The following XPR1 variants were observed in gnomAD, a reference collection of about 807,000 sequenced individuals.
XPR1 encodes the protein xenotropic and polytropic retrovirus receptor 1, also known as solute carrier family 53 member 1.
XPR1 carries 28 observed loss-of-function variants against 87.5 expected under a neutral mutation model. That is an observed-to-expected ratio of 0.32 (90% confidence interval 0.24 to 0.44). XPR1 has a LOEUF of 0.44. XPR1 is among the 20% of genes least tolerant of loss of function. The pLI is 1.00. For missense variants in XPR1, 559 were observed against 862.3 expected (o/e 0.65, Z 4.41); for synonymous variants, 300 against 306.1 (o/e 0.98, Z 0.21).
chr1:180,833,734 A>T (rs1262344631), intron 9 of XPR1, among the ~76,000 whole-genome samples: 1 of 152,230 alleles, frequency 6.6e-6, no homozygotes, highest in Non-Finnish European at 1.5e-5. Context: ...TACAAATATG[A>T]ATACATTATA....
intron 9 of XPR1, among the ~76,000 whole-genome samples, chr1:180,834,559 G>T (rs566945987): frequency 9.5e-4 from 145 of 152,266 alleles, no homozygotes; most frequent in African/African-American, 3.4e-3. Context: ...AAATCAGGGG[G>T]TAGTGGCATC....
At chr1:180,715,273 T>C (rs569518499) in intron 2 of XPR1, among the ~76,000 whole-genome samples, 3 of 152,326 alleles carry the variant, frequency 2.0e-5, no homozygotes, top group Admixed American at 2.0e-4. Context: ...TCAGGAATCT[T>C]GTATTTATTT....
intron 7 of XPR1, among the ~76,000 whole-genome samples, chr1:180,822,680 C>T (rs1348126472): frequency 1.3e-5 from 2 of 152,038 alleles, no homozygotes; most frequent in African/African-American, 2.4e-5. Context: ...ATGAGCCAAA[C>T]GTTATTCTAG....
At chr1:180,741,273 C>A (rs944353724) in intron 2 of XPR1, among the ~76,000 whole-genome samples, 2 of 152,110 alleles carry the variant, frequency 1.3e-5, no homozygotes, top group African/African-American at 4.8e-5. Context: ...TAGTGATTCT[C>A]CTACCTTATT....
intron 2 of XPR1, among the ~76,000 whole-genome samples, chr1:180,693,329 G>A (rs1388721619): frequency 2.6e-5 from 4 of 152,210 alleles, no homozygotes; most frequent in Non-Finnish European, 5.9e-5. Context: ...AGAAGCATAT[G>A]AAGTTGTGAT....
chr1:180,727,005 G>C (rs925891574), intron 2 of XPR1, among the ~76,000 whole-genome samples: 2 of 151,800 alleles, frequency 1.3e-5, no homozygotes, highest in Non-Finnish European at 1.5e-5. Context: ...CTCCCGAGTA[G>C]CTGGGACTAC....
intron 2 of XPR1, among the ~76,000 whole-genome samples, chr1:180,769,587 C>T (rs1648427219): frequency 6.6e-6 from 1 of 151,946 alleles, no homozygotes; most frequent in Non-Finnish European, 1.5e-5. Flanking sequence ...TCTCCAGTTC[C>T]ATCCATGTTG....
chr1:180,873,924 C>A lies in XPR1; in HGVS notation c.1790C>A (p.Ala597Asp), dbSNP rs1451429951. The A allele has an allele frequency of 2.5e-6, 4 of 1,613,158 alleles. No homozygotes were observed. In the African/African-American group the frequency reaches 5.3e-5, roughly 22 times the overall value. ...HSGDIIATVF[A>D]PLEVFRRFVW... ...GGGGACATCATTGCTACTGTCTTTG[C>A]CCCACTTGAGGTTTTCCGGTAAGCA... is the stretch of plus-strand genomic sequence containing the variant. Residue 597 changes from alanine to aspartate, a missense_variant, in exon 13 of 15, where the codon GCC becomes GAC. Ala to Asp is a moderately radical substitution (Grantham distance 126). Transcript: ENST00000367590.
At chr1:180,863,638 G>A (rs1007864609) in intron 11 of XPR1, 70 bp from the exon 12 acceptor site, 3 of 1,370,832 alleles carry the variant, frequency 2.2e-6, no homozygotes, top group South Asian at 1.6e-5. Context: ...GTTTTAATTA[G>A]TGTTATTAAT....
chr1:180,784,230 C>G (rs367748520), intron 2 of XPR1, among the ~76,000 whole-genome samples: 1 of 152,130 alleles, frequency 6.6e-6, no homozygotes, highest in Admixed American at 6.6e-5. Context: ...GTTCATTTAT[C>G]ATTACCATTG....
chr1:180,851,151 G>C (rs1033458140), intron 11 of XPR1, among the ~76,000 whole-genome samples: 1 of 152,068 alleles, frequency 6.6e-6, no homozygotes, highest in Non-Finnish European at 1.5e-5. Flanking sequence ...AGCAGAAATA[G>C]ATATTTTTTA....
At position 180,863,739 on chromosome 1, in the gene XPR1, T is replaced by C. The variant is rs764540958; in HGVS notation, c.1533T>C (p.Phe511=). The change falls in exon 12 of 15, where the codon TTT becomes TTC. Residue 511 remains phenylalanine (F), a synonymous_variant. Coordinates refer to ENST00000367590, the MANE Select transcript of XPR1 (RefSeq NM_004736.4). ...ERGHSDTMVF[F]YLWIVFYIIS... The stretch of plus-strand genomic sequence containing the variant: ...GTCACTCGGACACTATGGTGTTCTT[T>C]TACCTGTGGATTGTCTTTTATATCA... The C allele has an allele frequency of 6.2e-7, 1 of 1,604,916 alleles. No individual in the cohort carries two copies. The highest frequency in any genetic ancestry group is 8.5e-7 in the Non-Finnish European group (1 of 1,176,412).
chr1:180,695,084 A>C (rs1338943530), intron 2 of XPR1, among the ~76,000 whole-genome samples: 1 of 152,050 alleles, frequency 6.6e-6, no homozygotes, highest in Non-Finnish European at 1.5e-5. Context: ...GATAATAGTT[A>C]TTCTAACTGG....
intron 7 of XPR1, among the ~76,000 whole-genome samples, chr1:180,822,586 C>T (rs1044814327): frequency 1.9e-4 from 29 of 152,130 alleles, no homozygotes; most frequent in Admixed American, 1.8e-3. Context: ...GTGTAATAGG[C>T]ACCTAATCAA....
intron 13 of XPR1, among the ~76,000 whole-genome samples, chr1:180,877,705 C>A: frequency 6.6e-6 from 1 of 151,634 alleles, no homozygotes; most frequent in African/African-American, 2.4e-5. Context: ...TATTTGCATA[C>A]TTTATGTGTG....
intron 9 of XPR1, among the ~76,000 whole-genome samples, chr1:180,831,365 T>TTTC (rs751503719): frequency 0.02 from 2,766 of 137,712 alleles, 84 homozygotes; most frequent in African/African-American, 0.071. Flanking sequence ...TCTTTTTCTT[T>TTTC]TTTTTTTTTT....
chr1:180,734,517 A>G (rs1238079887), intron 2 of XPR1, among the ~76,000 whole-genome samples: 1 of 152,126 alleles, frequency 6.6e-6, no homozygotes, highest in South Asian at 2.1e-4. Flanking sequence ...CAATTCCTTG[A>G]TCTGAGAGGC....
At chr1:180,855,611 C>G (rs1003466609) in intron 11 of XPR1, among the ~76,000 whole-genome samples, 1 of 150,768 alleles carries the variant, frequency 6.6e-6, no homozygotes, top group Non-Finnish European at 1.5e-5. Context: ...TTGCAATGAG[C>G]CGAGATCATG....
intron 2 of XPR1, among the ~76,000 whole-genome samples, chr1:180,719,274 A>G (rs1200864550): frequency 1.3e-5 from 2 of 152,366 alleles, no homozygotes; most frequent in East Asian, 3.9e-4. Context: ...TAATTTATTT[A>G]AAGTCCAATA....
Sources: allele counts gnomAD v4.1 joint callset (sites outside exome capture counted in the v4.1 genomes callset), GRCh38; gene constraint gnomAD v4.1.1; transcripts MANE v1.5; gene names NCBI Gene and HGNC (gene_info 2026-07-23, HGNC 2026-07-21).